PTPRK: variants seen among roughly 807,000 people sequenced by gnomAD.
PTPRK encodes protein tyrosine phosphatase receptor type K.
In PTPRK, 75 loss-of-function variants were observed where a neutral mutation model predicts 178.0. The observed-to-expected ratio is 0.42, with a 90% CI of 0.35 to 0.51. The LOEUF (loss-of-function observed/expected upper bound fraction) is 0.51. Among genes scored for constraint, PTPRK ranks in the 20% least tolerant of loss-of-function variants. The pLI, the probability that PTPRK is intolerant of heterozygous loss-of-function variation, is 0.02. For missense variants in PTPRK, 1,441 were observed against 1,797.8 expected (o/e 0.80, Z 3.59); for synonymous variants, 637 against 620.6 (o/e 1.03, Z -0.39).
chr6:128,307,152 G>GAAA (rs199552590), intron 3 of PTPRK, among the ~76,000 whole-genome samples: 66 of 117,706 alleles, frequency 5.6e-4, no homozygotes, highest in African/African-American at 1.9e-3. Context: ...GAGCTCAGAA[G>GAAA]AAAAAAAAAT....
chr6:128,466,065 C>T (rs752023043), intron 1 of PTPRK, among the ~76,000 whole-genome samples: 7 of 152,160 alleles, frequency 4.6e-5, no homozygotes, highest in African/African-American at 9.7e-5. Context: ...GCACTGGTTG[C>T]CTGCCTAGGA....
At chr6:128,137,676 T>C (rs1253604624) in intron 7 of PTPRK, among the ~76,000 whole-genome samples, 1 of 152,072 alleles carries the variant, frequency 6.6e-6, no homozygotes, top group East Asian at 1.9e-4. Context: ...TAATACATAG[T>C]TATTTACTGA....
intron 5 of PTPRK, among the ~76,000 whole-genome samples, chr6:128,221,387 G>A (rs748214271): frequency 1.2e-4 from 19 of 152,062 alleles, no homozygotes; most frequent in African/African-American, 4.1e-4. Flanking sequence ...AGCCAGGCGC[G>A]GTGGCGGGTG....
chr6:128,250,284 T>A (rs1816256754), intron 3 of PTPRK, among the ~76,000 whole-genome samples: 1 of 152,236 alleles, frequency 6.6e-6, no homozygotes, highest in Non-Finnish European at 1.5e-5. Flanking sequence ...AGAGAATATT[T>A]GGGAAAAAGT....
intron 3 of PTPRK, among the ~76,000 whole-genome samples, chr6:128,307,166 T>A (rs1275903354): frequency 3.9e-4 from 58 of 147,738 alleles, no homozygotes; most frequent in African/African-American, 1.4e-3. Flanking sequence ...AAAAAATATA[T>A]ATATATATAT....
At chr6:128,382,817 G>T (rs1562402889) in intron 2 of PTPRK, among the ~76,000 whole-genome samples, 1 of 151,914 alleles carries the variant, frequency 6.6e-6, no homozygotes, top group Non-Finnish European at 1.5e-5. Flanking sequence ...GGACCTATAG[G>T]TGTCCACTTC....
At chr6:128,108,344 T>G (rs760103418) in intron 7 of PTPRK, among the ~76,000 whole-genome samples, 27 of 152,172 alleles carry the variant, frequency 1.8e-4, no homozygotes, top group Non-Finnish European at 3.2e-4. Context: ...CTGTTGATTG[T>G]ACCTAGTGCA....
At chr6:128,021,941 C>T (rs1329952447) in intron 13 of PTPRK, among the ~76,000 whole-genome samples, 1 of 152,028 alleles carries the variant, frequency 6.6e-6, no homozygotes, top group African/African-American at 2.4e-5. Flanking sequence ...TTGAAGAAAG[C>T]TTATAAAGGT....
At chr6:128,305,918 A>G (rs1342475240) in intron 3 of PTPRK, among the ~76,000 whole-genome samples, 1 of 152,230 alleles carries the variant, frequency 6.6e-6, no homozygotes, top group Non-Finnish European at 1.5e-5. Context: ...CACAGCTATG[A>G]AGAAATACGT....
chr6:128,052,897 C>T (rs1001527540), intron 13 of PTPRK, among the ~76,000 whole-genome samples: 5 of 151,978 alleles, frequency 3.3e-5, no homozygotes, highest in African/African-American at 4.8e-5. Context: ...AATGAGGGGC[C>T]CCCTTGAGGT....
chr6:128,187,964 A>G (rs749856652), intron 6 of PTPRK, among the ~76,000 whole-genome samples: 12 of 152,154 alleles, frequency 7.9e-5, no homozygotes, highest in Non-Finnish European at 1.6e-4. Flanking sequence ...ATTTCTATTC[A>G]TTTCAATAAA....
chr6:128,369,038 A>C (rs993647239), intron 2 of PTPRK, among the ~76,000 whole-genome samples: 1 of 152,172 alleles, frequency 6.6e-6, no homozygotes, highest in Non-Finnish European at 1.5e-5. Context: ...GTTCTTTTAA[A>C]GAGCCTTGGC....
At chr6:128,222,548 C>T (rs1257877106) in intron 5 of PTPRK, among the ~76,000 whole-genome samples, 1 of 152,196 alleles carries the variant, frequency 6.6e-6, no homozygotes, top group Non-Finnish European at 1.5e-5. Flanking sequence ...GCCTCCCTTA[C>T]CACCTTACAA....
chr6:128,088,097 G>A (rs763378710), intron 8 of PTPRK, among the ~76,000 whole-genome samples: 18 of 152,228 alleles, frequency 1.2e-4, no homozygotes, highest in South Asian at 6.2e-4. Flanking sequence ...ATGTAGCCCC[G>A]CTGGGCACAG....
At chr6:128,328,858 A>C (rs544643202) in intron 2 of PTPRK, among the ~76,000 whole-genome samples, 2 of 152,342 alleles carry the variant, frequency 1.3e-5, no homozygotes, top group South Asian at 4.1e-4. Context: ...AGAAGTAATA[A>C]GCATTGTTTT....
intron 1 of PTPRK, among the ~76,000 whole-genome samples, chr6:128,457,341 T>C (rs1208749084): frequency 1.3e-5 from 2 of 152,136 alleles, no homozygotes; most frequent in Non-Finnish European, 2.9e-5. Flanking sequence ...TCACTTTTTG[T>C]GCTGCATCTA....
intron 1 of PTPRK, among the ~76,000 whole-genome samples, chr6:128,507,181 A>G (rs1009282066): frequency 1.3e-5 from 2 of 152,156 alleles, no homozygotes; most frequent in Admixed American, 6.5e-5. Flanking sequence ...GGAGATCAGC[A>G]TTTGATAAGT....
At chr6:128,197,688 C>T (rs1329472956) in intron 6 of PTPRK, among the ~76,000 whole-genome samples, 2 of 151,934 alleles carry the variant, frequency 1.3e-5, no homozygotes, top group African/African-American at 4.8e-5. Context: ...AAATTACACT[C>T]AGAATGGCTG....
chr6:128,227,985 G>A (rs1811643274), intron 5 of PTPRK, among the ~76,000 whole-genome samples: 1 of 152,024 alleles, frequency 6.6e-6, no homozygotes, highest in South Asian at 2.1e-4. Flanking sequence ...GGGGGCTAGG[G>A]GAGAGAGAAC....
Sources: gnomAD v4.1 joint callset for allele counts (sites outside exome capture counted in the v4.1 genomes callset) on GRCh38, gnomAD v4.1.1 for gene constraint, MANE v1.5 for transcripts, NCBI Gene and HGNC (gene_info 2026-07-23, HGNC 2026-07-21) for gene names.